CCSER2: variants seen among roughly 807,000 people sequenced by gnomAD.
CCSER2 encodes the protein serine-rich coiled-coil domain-containing protein 2.
A neutral mutation model predicts 92.3 loss-of-function variants in CCSER2; 46 were observed. That is an observed-to-expected ratio of 0.50 (90% confidence interval 0.39 to 0.64). The LOEUF (loss-of-function observed/expected upper bound fraction) is 0.64, where lower values mean the gene tolerates loss of function less well. Among genes scored for constraint, CCSER2 ranks in the 30% least tolerant of loss-of-function variants. The pLI, the probability that CCSER2 is intolerant of heterozygous loss-of-function variation, is 0.00. For synonymous variants in CCSER2, 433 were observed against 431.4 expected, an observed-to-expected ratio of 1.00 and a Z score of -0.04; for missense variants, 1,244 against 1,238.9, an observed-to-expected ratio of 1.00 and a Z score of -0.06.
intron 4 of CCSER2, among the ~76,000 whole-genome samples, chr10:84,419,112 A>G (rs2133396802): frequency 6.6e-6 from 1 of 152,188 alleles, no homozygotes; most frequent in Admixed American, 6.5e-5. Flanking sequence ...GATTTTTTGA[A>G]GAGGGGAATC....
chr10:84,387,147 A>G (rs1841259742), intron 3 of CCSER2, among the ~76,000 whole-genome samples: 1 of 152,134 alleles, frequency 6.6e-6, no homozygotes, highest in African/African-American at 2.4e-5. Flanking sequence ...CTACATTCCC[A>G]GGCTAAGACC....
At chr10:84,492,626 A>G (rs1425827495) in intron 9 of CCSER2, among the ~76,000 whole-genome samples, 2 of 152,210 alleles carry the variant, frequency 1.3e-5, no homozygotes, top group Non-Finnish European at 2.9e-5. Context: ...GTTTTTATCA[A>G]GTTGAAGTAG....
chr10:84,336,459 GA>G (rs1843843300), intron 1 of CCSER2, among the ~76,000 whole-genome samples: 1 of 152,202 alleles, frequency 6.6e-6, no homozygotes, highest in African/African-American at 2.4e-5. Flanking sequence ...GGTGGTTAGG[GA>G]AGGCTGTAAT....
chr10:84,449,834 C>A (rs1845164666), intron 6 of CCSER2, among the ~76,000 whole-genome samples: 1 of 152,142 alleles, frequency 6.6e-6, no homozygotes, highest in African/African-American at 2.4e-5. Flanking sequence ...GCAACAAGAG[C>A]AAAACTCCGT....
chr10:84,486,405 G>T (rs1847811783), intron 9 of CCSER2, among the ~76,000 whole-genome samples: 1 of 152,164 alleles, frequency 6.6e-6, no homozygotes, highest in African/African-American at 2.4e-5. Flanking sequence ...TCCAGCACCT[G>T]TTGTTTCCTG....
chr10:84,385,004 A>AACACACACACACACACACACACACAC (rs56977232), intron 3 of CCSER2, among the ~76,000 whole-genome samples: 22 of 145,882 alleles, frequency 1.5e-4, no homozygotes, highest in African/African-American at 5.3e-4. Context: ...ATTTACAATA[A>AACACACACACACACACACACACACAC]ACACACACAC....
chr10:84,493,990 A>G lies in CCSER2; in HGVS notation c.2325+16326A>G, dbSNP rs898530301. On this transcript the variant is annotated intron_variant, in intron 9 of 9. Coordinates refer to ENST00000372088, the MANE Select transcript of CCSER2 (RefSeq NM_001284240.2). ...GGAGCAAGCAACCTAGATTTCTCGCATGTGCAGTTCACAATAAAGTTCCTG... is the reference window on the plus strand; with the variant it reads ...GGAGCAAGCAACCTAGATTTCTCGCGTGTGCAGTTCACAATAAAGTTCCTG... Among the ~76,000 whole-genome samples, 3 of 152,172 alleles carry G rather than the reference A, an allele frequency of 2.0e-5. No homozygotes were observed. The South Asian group carries it at 6.2e-4, about 32-fold the overall frequency.
chr10:84,489,611 T>G (rs143578750), intron 9 of CCSER2, among the ~76,000 whole-genome samples: 8,854 of 152,222 alleles, frequency 0.058, 370 homozygotes, highest in Admixed American at 0.1. Flanking sequence ...CCTCCATCCC[T>G]TTATTTTGAG....
chr10:84,470,838 T>A (rs1846748083), intron 8 of CCSER2, among the ~76,000 whole-genome samples: 1 of 151,940 alleles, frequency 6.6e-6, no homozygotes, highest in Non-Finnish European at 1.5e-5. Context: ...GTATTCAGAT[T>A]TAGGTAGCTG....
At chr10:84,393,240 T>A (rs1156949094) in intron 3 of CCSER2, among the ~76,000 whole-genome samples, 1 of 152,200 alleles carries the variant, frequency 6.6e-6, no homozygotes, top group Non-Finnish European at 1.5e-5. Flanking sequence ...AAAGCTGATA[T>A]ACCTGTGCAA....
chr10:84,332,436 A>ATATATATATATATATATT (rs1401635246), intron 1 of CCSER2, among the ~76,000 whole-genome samples: 2 of 55,202 alleles, frequency 3.6e-5, no homozygotes, highest in African/African-American at 2.3e-4. Flanking sequence ...ATATATATAT[A>ATATATATATATATATATT]TTTTTTTTTT....
intron 3 of CCSER2, among the ~76,000 whole-genome samples, chr10:84,396,289 CTATACTATATT>C (rs1841833107): frequency 6.7e-6 from 1 of 149,478 alleles, no homozygotes; most frequent in East Asian, 2.0e-4. Context: ...TATACCATAA[CTATACTATATT>C]TATACTATAT....
intron 3 of CCSER2, among the ~76,000 whole-genome samples, chr10:84,411,374 C>A (rs893919871): frequency 1.2e-4 from 18 of 152,084 alleles, no homozygotes; most frequent in Non-Finnish European, 2.1e-4. Context: ...AACATTGAAT[C>A]TATAAATTCG....
intron 5 of CCSER2, among the ~76,000 whole-genome samples, chr10:84,437,744 A>T (rs545839543): frequency 5.3e-4 from 68 of 128,186 alleles, no homozygotes; most frequent in African/African-American, 2.0e-3. Flanking sequence ...ACGGAGTCTC[A>T]CTCTGTTGCC....
chr10:84,368,656 A>T (rs72841179), intron 1 of CCSER2, among the ~76,000 whole-genome samples: 15,744 of 151,958 alleles, frequency 0.1, 989 homozygotes, highest in Admixed American at 0.15. Context: ...GTATTTTTTT[A>T]AAAAAATAAT....
chr10:84,399,246 C>T (rs1841993736), intron 3 of CCSER2, among the ~76,000 whole-genome samples: 1 of 152,086 alleles, frequency 6.6e-6, no homozygotes, highest in South Asian at 2.1e-4. Flanking sequence ...TCCAGCTGTA[C>T]CCATTGTTTA....
intron 1 of CCSER2, among the ~76,000 whole-genome samples, chr10:84,366,125 G>T (rs561444758): frequency 2.6e-5 from 4 of 152,138 alleles, no homozygotes; most frequent in African/African-American, 9.6e-5. Flanking sequence ...TAAATTTTTA[G>T]TAGAGATGAG....
At chr10:84,477,508 T>A in intron 8 of CCSER2, 67 bp from the exon 9 acceptor site, 2 of 776,312 alleles carry the variant, frequency 2.6e-6, no homozygotes, top group Non-Finnish European at 4.3e-6. Context: ...TCCTAAAGTT[T>A]CTCTTGTGTG....
At position 84,516,416 on chromosome 10, in the gene CCSER2, G is replaced by A. The variant is rs1190861882; in HGVS notation, c.*2149G>A. 2 of 152,224 alleles carry A rather than the reference G, an allele frequency of 1.3e-5. No homozygotes were observed. Among genetic ancestry groups the A allele is most frequent in the African/African-American group, 4.8e-5 (2 of 41,466 alleles). 9.4% of individuals were successfully genotyped at this position (152,224 alleles called of 1,614,324 possible). A position where few individuals can be genotyped will look rare whatever the true frequency, so the allele number is the denominator to read the frequency against. On this transcript the variant is annotated 3_prime_UTR_variant, in exon 10 of 10. Coordinates refer to ENST00000372088, the MANE Select transcript of CCSER2 (RefSeq NM_001284240.2). ...ATGGAGATGACCCATGATGGCTGCA[G>A]TTGTAAGTGGGCATACATGTTCTAT...
Sources: gnomAD v4.1 joint callset for allele counts (sites outside exome capture counted in the v4.1 genomes callset) on GRCh38, gnomAD v4.1.1 for gene constraint, MANE v1.5 for transcripts, NCBI Gene and HGNC (gene_info 2026-07-23, HGNC 2026-07-21) for gene names.